Variants in FAM186B observed in about 807,000 individuals in gnomAD.
FAM186B encodes the protein family with sequence similarity 186 member B.
Under a neutral mutation model 83.4 loss-of-function variants are expected in FAM186B, and 68 were observed. The observed-to-expected ratio is 0.81, with a 90% CI of 0.67 to 1.00. The LOEUF (loss-of-function observed/expected upper bound fraction) is 1.00, where lower values mean the gene tolerates loss of function less well. FAM186B is among the 50% of genes least tolerant of loss of function. The probability of loss-of-function intolerance (pLI) is 0.00; values close to 1 mark genes in which losing one functional copy is unlikely to be tolerated. For synonymous variants in FAM186B, 389 were observed against 422.0 expected (o/e 0.92, Z 0.96); for missense variants, 983 against 1,099.2 (o/e 0.89, Z 1.49).
the FAM186B span, among the ~76,000 whole-genome samples, chr12:49,620,071 T>C: frequency 1.7e-4 from 26 of 152,186 alleles, no homozygotes; most frequent in African/African-American, 6.3e-4. Context: ...GCCTTCTTTC[T>C]TGCAGGCTTG....
chr12:49,594,870 G>C (rs564279790), intron 5 of FAM186B, among the ~76,000 whole-genome samples: 6 of 147,974 alleles, frequency 4.1e-5, no homozygotes, highest in African/African-American at 1.3e-4. Context: ...GCAAGACTCT[G>C]TCTCAAAAAA....
At chr12:49,605,758 C>CTTTT (rs1222575062), upstream of FAM186B, 11 of 150,946 alleles carry the variant, frequency 7.3e-5, no homozygotes, top group South Asian at 1.6e-4. Flanking sequence ...GTTGCCTTTT[C>CTTTT]TTTTTTTTTT....
At chr12:49,608,404 T>C (rs1460905591), upstream of FAM186B, among the ~76,000 whole-genome samples, 1 of 150,910 alleles carries the variant, frequency 6.6e-6, no homozygotes, top group East Asian at 2.0e-4. Context: ...GGCAGGAGAA[T>C]TGCTTGAACC....
chr12:49,606,037 C>G (rs1940013923), upstream of FAM186B, among the ~76,000 whole-genome samples: 1 of 152,094 alleles, frequency 6.6e-6, no homozygotes, highest in Non-Finnish European at 1.5e-5. Context: ...GCTGGGATTA[C>G]AGGTGTGAGC....
At chr12:49,584,212 A>G (rs1939393099), downstream of FAM186B, 3 of 373,852 alleles carry the variant, frequency 8.0e-6, no homozygotes, top group Non-Finnish European at 9.9e-6. Context: ...CCCAAAGGAC[A>G]CAGACAACAC....
At chr12:49,619,507 T>C in the FAM186B span, 3 of 693,616 alleles carry the variant, frequency 4.3e-6, no homozygotes, top group Non-Finnish European at 5.4e-6. Context: ...TGTTGCATCA[T>C]CTGATCCACA....
At chr12:49,622,291 A>G in the FAM186B span, among the ~76,000 whole-genome samples, 1 of 130,370 alleles carries the variant, frequency 7.7e-6, no homozygotes, top group Admixed American at 9.0e-5. Context: ...ACCTCCCCCA[A>G]AAGTTTGAAA....
At chr12:49,589,964 C>T (rs547944892) in intron 5 of FAM186B, among the ~76,000 whole-genome samples, 2 of 118,796 alleles carry the variant, frequency 1.7e-5, no homozygotes, top group Non-Finnish European at 3.2e-5. Context: ...CTGGCAATAG[C>T]GAGACTCTGT....
downstream of FAM186B, chr12:49,583,454 AAAG>A: frequency 5.2e-6 from 1 of 192,672 alleles, no homozygotes. Flanking sequence ...GGCCTCCAGA[AAAG>A]AAAGAGCCTG....
At chr12:49,606,337 A>T (rs1000083730), upstream of FAM186B, among the ~76,000 whole-genome samples, 7 of 151,830 alleles carry the variant, frequency 4.6e-5, no homozygotes, top group Non-Finnish European at 1.0e-4. Context: ...CTACAAAAAA[A>T]TTTAAAAAAT....
intron 1 of FAM186B, among the ~76,000 whole-genome samples, chr12:49,604,982 C>T (rs947443033): frequency 3.3e-5 from 5 of 152,194 alleles, no homozygotes; most frequent in African/African-American, 9.6e-5. Flanking sequence ...GCCTCGTGTA[C>T]AGGGTGATTT....
Position 49,600,682 on chromosome 12 carries a change from T to C in FAM186B, c.958A>G (p.Lys320Glu), listed in dbSNP as rs2138295039. ...MKQALEFQLK[K>E]AQNATGQAED... Reference sequence around the variant, plus strand: ...GCCTGACCTGTAGCATTCTGAGCCTTCTTCAGCTGGAACTCCAAGGCCTGC... The same window carrying C: ...GCCTGACCTGTAGCATTCTGAGCCTCCTTCAGCTGGAACTCCAAGGCCTGC... The change falls in exon 4 of 7, where the codon AAG (lysine) becomes GAG (glutamate). Residue 320 changes from lysine to glutamate, a missense_variant. By Grantham distance (56) the Lys-to-Glu change is moderately conservative. Transcript: ENST00000257894. This position sits in a 1 kb window ranked among gnomAD's most constrained non-coding sequence, Gnocchi z 4.3. 4 of 1,614,152 alleles carry C rather than the reference T, an allele frequency of 2.5e-6. No homozygotes were observed. Among genetic ancestry groups the C allele is most frequent in the South Asian group, 2.2e-5 (2 of 91,084 alleles).
intron 6 of FAM186B, 116 bp from the exon 7 acceptor site, chr12:49,587,868 G>T: frequency 8.9e-7 from 1 of 1,127,970 alleles, no homozygotes; most frequent in Non-Finnish European, 1.3e-6. Flanking sequence ...CTCAAATCGA[G>T]TGTGTCACTG....
At chr12:49,616,319 C>T in the FAM186B span, among the ~76,000 whole-genome samples, 20 of 152,102 alleles carry the variant, frequency 1.3e-4, no homozygotes, top group African/African-American at 3.1e-4. Context: ...CGTGAGCCAC[C>T]GCACCCAGCC....
At chr12:49,601,713 T>G (rs1273704474) in intron 3 of FAM186B, among the ~76,000 whole-genome samples, 1 of 151,900 alleles carries the variant, frequency 6.6e-6, no homozygotes, top group Non-Finnish European at 1.5e-5. Flanking sequence ...CCCAGGAAAA[T>G]GCACTACACA....
intron 5 of FAM186B, chr12:49,594,052 A>G (rs1456555032): frequency 5.5e-6 from 1 of 183,092 alleles, no homozygotes; most frequent in Non-Finnish European, 1.2e-5. Context: ...ACTTGGGCCA[A>G]AACTAGAAAG....
At chr12:49,587,458 A>T, downstream of FAM186B, 1 of 1,126,044 alleles carries the variant, frequency 8.9e-7, no homozygotes, top group Non-Finnish European at 1.3e-6. Flanking sequence ...CAAAGGAACC[A>T]GGTTAGCCTC....
intron 1 of FAM186B, chr12:49,604,812 G>A (rs1486259364): frequency 3.2e-6 from 1 of 316,522 alleles, no homozygotes; most frequent in African/African-American, 2.1e-5. Flanking sequence ...AGAAAGTATA[G>A]AACACCAAAA....
downstream of FAM186B, among the ~76,000 whole-genome samples, chr12:49,585,484 G>A (rs955990010): frequency 6.6e-6 from 1 of 152,166 alleles, no homozygotes. Flanking sequence ...ATGCTTGTAA[G>A]ACAAAGCTGA....
Sources: gnomAD v4.1 joint callset for allele counts (sites outside exome capture counted in the v4.1 genomes callset) on GRCh38, gnomAD v4.1.1 for gene constraint, Gnocchi (gnomAD v3.1) non-coding constraint, MANE v1.5 for transcripts, NCBI Gene and HGNC (gene_info 2026-07-23, HGNC 2026-07-21) for gene names.